The following ARHGAP24 variants were observed in gnomAD, a reference collection of about 807,000 sequenced individuals.
ARHGAP24 encodes rho GTPase-activating protein 24.
A neutral mutation model predicts 76.4 loss-of-function variants in ARHGAP24; 50 were observed. That is an observed-to-expected ratio of 0.65 (90% CI 0.52 to 0.83). ARHGAP24 has a LOEUF of 0.83. Among genes scored for constraint, ARHGAP24 ranks in the 40% least tolerant of loss-of-function variants. The probability of loss-of-function intolerance (pLI) is 0.00; values close to 1 mark genes in which losing one functional copy is unlikely to be tolerated. For synonymous variants in ARHGAP24, 345 were observed against 323.3 expected (o/e 1.07, Z -0.72); for missense variants, 930 against 914.2 (o/e 1.02, Z -0.22).
chr4:85,487,464 AT>A (rs1723129893), intron 1 of ARHGAP24, among the ~76,000 whole-genome samples: 3 of 32,202 alleles, frequency 9.3e-5, no homozygotes, highest in South Asian at 2.3e-3. Context: ...TTATATAAAC[AT>A]ATATTTATTA....
chr4:85,829,483 T>C (rs575110430), intron 3 of ARHGAP24, among the ~76,000 whole-genome samples: 1 of 152,348 alleles, frequency 6.6e-6, no homozygotes, highest in Non-Finnish European at 1.5e-5. Context: ...TCAGACTCTA[T>C]GTAAGAGCAC....
At chr4:85,653,057 T>G (rs766555265) in intron 2 of ARHGAP24, among the ~76,000 whole-genome samples, 2 of 152,192 alleles carry the variant, frequency 1.3e-5, no homozygotes, top group Non-Finnish European at 2.9e-5. Context: ...ATGCTTTCTT[T>G]TCTTAGAAAA....
chr4:85,998,113 G>C (rs1257523151), intron 9 of ARHGAP24, among the ~76,000 whole-genome samples: 1 of 152,088 alleles, frequency 6.6e-6, no homozygotes, highest in Non-Finnish European at 1.5e-5. Flanking sequence ...GCTATTCAAA[G>C]CTTCTGTATT....
chr4:85,483,068 T>C (rs186324034), intron 1 of ARHGAP24, among the ~76,000 whole-genome samples: 12 of 152,314 alleles, frequency 7.9e-5, no homozygotes, highest in Admixed American at 2.6e-4. Flanking sequence ...TACTTCATAG[T>C]GTTAATGTGA....
chr4:85,572,714 G>T (rs1021700109), intron 2 of ARHGAP24, among the ~76,000 whole-genome samples: 1 of 149,042 alleles, frequency 6.7e-6, no homozygotes, highest in Non-Finnish European at 1.5e-5. Flanking sequence ...AAATAGACTT[G>T]TATTGACCAA....
chr4:85,496,312 C>T (rs1723582721), intron 1 of ARHGAP24, among the ~76,000 whole-genome samples: 1 of 152,208 alleles, frequency 6.6e-6, no homozygotes, highest in South Asian at 2.1e-4. Flanking sequence ...GCCTTTCAGG[C>T]TTAGCATTTG....
At chr4:85,608,537 T>G (rs1240220101) in intron 2 of ARHGAP24, among the ~76,000 whole-genome samples, 10 of 148,366 alleles carry the variant, frequency 6.7e-5, no homozygotes, top group Non-Finnish European at 1.5e-4. Context: ...TACTCAATGT[T>G]TTTTTGTTTG....
chr4:85,646,765 A>G (rs1202472249), intron 2 of ARHGAP24, among the ~76,000 whole-genome samples: 1 of 152,120 alleles, frequency 6.6e-6, no homozygotes, highest in East Asian at 1.9e-4. Context: ...ATCTGGCCAT[A>G]GTGCTGTTCA....
At chr4:85,592,732 G>A (rs1340168549) in intron 2 of ARHGAP24, among the ~76,000 whole-genome samples, 1 of 152,114 alleles carries the variant, frequency 6.6e-6, no homozygotes, top group Non-Finnish European at 1.5e-5. Context: ...GAGAGAATAT[G>A]CAAGAAAAGT....
At chr4:85,863,838 G>A (rs938447182) in intron 3 of ARHGAP24, among the ~76,000 whole-genome samples, 1 of 151,968 alleles carries the variant, frequency 6.6e-6, no homozygotes, top group Non-Finnish European at 1.5e-5. Flanking sequence ...GGTTTAATAG[G>A]TAGAAGAGAA....
At chr4:85,686,253 T>A (rs532972686) in intron 2 of ARHGAP24, among the ~76,000 whole-genome samples, 5 of 152,258 alleles carry the variant, frequency 3.3e-5, no homozygotes, top group African/African-American at 1.2e-4. Flanking sequence ...CCATATTTAA[T>A]ATGTCACATG....
chr4:85,615,742 A>G (rs1169540131), intron 2 of ARHGAP24, among the ~76,000 whole-genome samples: 1 of 152,218 alleles, frequency 6.6e-6, no homozygotes, highest in Non-Finnish European at 1.5e-5. Flanking sequence ...AGACTGTAGT[A>G]TGAATTGTGA....
chr4:85,703,662 G>A (rs1017717110), intron 2 of ARHGAP24, among the ~76,000 whole-genome samples: 1 of 152,074 alleles, frequency 6.6e-6, no homozygotes, highest in Non-Finnish European at 1.5e-5. Context: ...CACCAAATCT[G>A]CTGGCACCTT....
At chr4:85,949,820 A>G (rs996520415) in intron 5 of ARHGAP24, among the ~76,000 whole-genome samples, 2 of 152,212 alleles carry the variant, frequency 1.3e-5, no homozygotes, top group African/African-American at 4.8e-5. Context: ...ACGTCTGTGA[A>G]CAATCTACCT....
intron 3 of ARHGAP24, among the ~76,000 whole-genome samples, chr4:85,917,925 C>A (rs1049576320): frequency 1.3e-5 from 2 of 151,940 alleles, no homozygotes; most frequent in Admixed American, 1.3e-4. Flanking sequence ...ACCTTTAATG[C>A]ACGTAATAGT....
chr4:85,973,058 A>G (rs1030625283), intron 6 of ARHGAP24, among the ~76,000 whole-genome samples: 6 of 151,906 alleles, frequency 3.9e-5, no homozygotes, highest in Admixed American at 3.3e-4. Flanking sequence ...CTATGTTTCT[A>G]TTTCTCTTAA....
intron 3 of ARHGAP24, among the ~76,000 whole-genome samples, chr4:85,802,756 A>C (rs1027603418): frequency 6.6e-6 from 1 of 152,204 alleles, no homozygotes; most frequent in African/African-American, 2.4e-5. Context: ...GCACCATTGC[A>C]CTCCAACCTG....
intron 4 of ARHGAP24, among the ~76,000 whole-genome samples, chr4:85,938,004 C>T (rs1369511049): frequency 6.6e-6 from 1 of 152,180 alleles, no homozygotes. Context: ...ATCACAGTCA[C>T]TCACTTCATA....
intron 5 of ARHGAP24, 96 bp downstream of exon 5, chr4:85,942,369 G>T: frequency 3.7e-6 from 5 of 1,363,972 alleles, no homozygotes; most frequent in Non-Finnish European, 4.2e-6. Context: ...TGATTGATGT[G>T]GTAACAGTTT....
Sources: allele counts gnomAD v4.1 joint callset (sites outside exome capture counted in the v4.1 genomes callset), GRCh38; gene constraint gnomAD v4.1.1; transcripts MANE v1.5; gene names NCBI Gene and HGNC (gene_info 2026-07-23, HGNC 2026-07-21).